Variants in MAML3 observed in about 807,000 individuals in gnomAD.
MAML3 encodes the protein mastermind like transcriptional coactivator 3.
In MAML3, 27 loss-of-function variants were observed where a neutral mutation model predicts 101.9. The observed-to-expected ratio is 0.27, with a 90% CI of 0.20 to 0.37. The LOEUF is 0.37. Among genes scored for constraint, MAML3 ranks in the 10% least tolerant of loss-of-function variants. The pLI, the probability that MAML3 is intolerant of heterozygous loss-of-function variation, is 1.00. For synonymous variants in MAML3, 501 were observed against 555.9 expected, an observed-to-expected ratio of 0.90 and a Z score of 1.39; for missense variants, 1,316 against 1,444.9, an observed-to-expected ratio of 0.91 and a Z score of 1.45.
chr4:139,815,222 A>G (rs1284051030), intron 2 of MAML3, among the ~76,000 whole-genome samples: 2 of 152,328 alleles, frequency 1.3e-5, no homozygotes, highest in Non-Finnish European at 2.9e-5. Flanking sequence ...TTGTAAATTC[A>G]GGAATAAGGG....
chr4:139,873,084 A>AAAATAAAT (rs576589955), intron 2 of MAML3, among the ~76,000 whole-genome samples: 36 of 152,014 alleles, frequency 2.4e-4, no homozygotes, highest in Middle Eastern at 3.4e-3. Flanking sequence ...TCCATCTCAA[A>AAAATAAAT]AAATAAATAA....
At chr4:139,723,558 C>T (rs1459384159) in intron 4 of MAML3, among the ~76,000 whole-genome samples, 3 of 152,100 alleles carry the variant, frequency 2.0e-5, no homozygotes, top group Non-Finnish European at 4.4e-5. Context: ...GTGAACTGCC[C>T]GCCTCGGCCT....
rs184302233 is a variant in MAML3 at position 139,834,497 on chromosome 4, T to C, written c.2079+54860A>G. On this transcript the variant is annotated intron_variant, in intron 2 of 4. Transcript: ENST00000509479. ...GCCAGCGCCCTCTGTAAGACAGCGC[T>C]TCTTGAAGGTGCGTTGCAGTCACTG... Among the ~76,000 whole-genome samples, 73 of 152,352 alleles carry C rather than the reference T, an allele frequency of 4.8e-4. 1 individual carries two copies. The East Asian group carries it at 0.01, about 21-fold the overall frequency.
intron 1 of MAML3, among the ~76,000 whole-genome samples, chr4:139,964,372 A>C (rs985066612): frequency 2.0e-5 from 3 of 152,210 alleles, no homozygotes; most frequent in African/African-American, 7.2e-5. Context: ...TCTCACTCAT[A>C]AGTGGAAGTT....
At chr4:140,045,358 G>A (rs1202621267) in intron 1 of MAML3, among the ~76,000 whole-genome samples, 2 of 142,010 alleles carry the variant, frequency 1.4e-5, no homozygotes, top group African/African-American at 5.3e-5. Context: ...TCGTGCCACT[G>A]CACTTCAGCC....
At chr4:139,884,557 G>A (rs1299320095) in intron 2 of MAML3, among the ~76,000 whole-genome samples, 4 of 152,176 alleles carry the variant, frequency 2.6e-5, no homozygotes, top group Admixed American at 6.5e-5. Flanking sequence ...GCCTGTGACC[G>A]TCCTTGACCA....
intron 1 of MAML3, among the ~76,000 whole-genome samples, chr4:139,915,837 C>A (rs716415): frequency 1.3e-5 from 2 of 151,990 alleles, no homozygotes; most frequent in Non-Finnish European, 2.9e-5. Flanking sequence ...GGAATTCCTC[C>A]GGAATCACTC....
At position 139,718,179 on chromosome 4, in the gene MAML3, C is replaced by T. The variant is rs1309088542; in HGVS notation, c.*1144G>A. ...GGGATATCAGAAATATCAGATGTGG[C>T]TCACAAAAAACCGACTCCCAAACAT... On this transcript the variant is annotated 3_prime_UTR_variant, in exon 5 of 5. Coordinates refer to ENST00000509479, the MANE Select transcript of MAML3 (RefSeq NM_018717.5). The T allele has an allele frequency of 6.6e-6, 1 of 152,220 alleles. No homozygotes were observed. The highest frequency in any genetic ancestry group is 2.4e-5 in the African/African-American group (1 of 41,436). 9.4% of individuals were successfully genotyped at this position (152,220 alleles called of 1,614,324 possible).
intron 1 of MAML3, chr4:140,134,457 A>C (rs908797669): frequency 4.4e-6 from 2 of 449,578 alleles, no homozygotes; most frequent in Non-Finnish European, 9.0e-6. Flanking sequence ...TACTTACAGC[A>C]GATTTGTAAA....
At chr4:139,802,097 T>A (rs1035416421) in intron 2 of MAML3, among the ~76,000 whole-genome samples, 3 of 152,178 alleles carry the variant, frequency 2.0e-5, no homozygotes, top group Non-Finnish European at 4.4e-5. Flanking sequence ...ACTTCTAAAT[T>A]CCAGAGTCTA....
At chr4:140,045,305 G>A (rs1727163777) in intron 1 of MAML3, among the ~76,000 whole-genome samples, 1 of 148,550 alleles carries the variant, frequency 6.7e-6, no homozygotes, top group Non-Finnish European at 1.5e-5. Flanking sequence ...TGAGGCAGGA[G>A]AATCGCTTGA....
intron 1 of MAML3, among the ~76,000 whole-genome samples, chr4:139,967,040 A>G (rs528474122): frequency 2.0e-5 from 3 of 152,360 alleles, no homozygotes; most frequent in African/African-American, 7.2e-5. Context: ...CATTTTTAAC[A>G]ATTGTGAAGA....
intron 3 of MAML3, among the ~76,000 whole-genome samples, chr4:139,729,284 C>T (rs779651607): frequency 6.6e-5 from 10 of 151,876 alleles, no homozygotes; most frequent in Non-Finnish European, 1.2e-4. Flanking sequence ...TCCATGGGCC[C>T]GTGTCCTACA....
intron 1 of MAML3, among the ~76,000 whole-genome samples, chr4:140,140,702 G>A (rs776847691): frequency 2.6e-5 from 4 of 152,202 alleles, no homozygotes; most frequent in Admixed American, 2.6e-4. Flanking sequence ...TTTAGGCGCC[G>A]AATCACGTAC....
intron 1 of MAML3, among the ~76,000 whole-genome samples, chr4:139,985,469 C>T (rs994782838): frequency 4.6e-5 from 7 of 152,220 alleles, no homozygotes; most frequent in South Asian, 4.1e-4. Flanking sequence ...ACTGAAGTCT[C>T]ACTGTATACA....
At chr4:140,141,067 G>T (rs1314086328) in intron 1 of MAML3, among the ~76,000 whole-genome samples, 2 of 152,190 alleles carry the variant, frequency 1.3e-5, no homozygotes, top group Non-Finnish European at 2.9e-5. Context: ...AAACACTGCA[G>T]TCAGGTGAAG....
chr4:139,857,300 C>A (rs185572917), intron 2 of MAML3, among the ~76,000 whole-genome samples: 2 of 152,064 alleles, frequency 1.3e-5, no homozygotes, highest in South Asian at 2.1e-4. Flanking sequence ...CAAATACATC[C>A]GACAAAGCCA....
intron 1 of MAML3, among the ~76,000 whole-genome samples, chr4:139,936,699 C>A (rs547902274): frequency 1.3e-5 from 2 of 152,150 alleles, no homozygotes; most frequent in Admixed American, 6.5e-5. Context: ...CATGGTGAGA[C>A]CCTGTCTCTA....
chr4:139,772,167 G>A (rs1468377722), intron 2 of MAML3, among the ~76,000 whole-genome samples: 4 of 144,866 alleles, frequency 2.8e-5, no homozygotes, highest in Non-Finnish European at 6.0e-5. Context: ...GTGAACCCGG[G>A]AGGCGCAGTT....
Sources: gnomAD v4.1 joint callset for allele counts (sites outside exome capture counted in the v4.1 genomes callset) on GRCh38, gnomAD v4.1.1 for gene constraint, MANE v1.5 for transcripts, NCBI Gene and HGNC (gene_info 2026-07-23, HGNC 2026-07-21) for gene names.